The following MDM2 variants were observed in gnomAD, a reference collection of about 807,000 sequenced individuals.
MDM2 encodes the protein E3 ubiquitin-protein ligase Mdm2.
In MDM2, 11 loss-of-function variants were observed where a neutral mutation model predicts 64.3. That is an observed-to-expected ratio of 0.17 (90% CI 0.11 to 0.28). The LOEUF is 0.28. MDM2 is among the 10% of genes least tolerant of loss of function. The pLI, the probability that MDM2 is intolerant of heterozygous loss-of-function variation, is 1.00. For synonymous variants in MDM2, 194 were observed against 192.9 expected (o/e 1.01, Z -0.05); for missense variants, 388 against 577.1 (o/e 0.67, Z 3.36).
At position 68,817,005 on chromosome 12, in the gene MDM2, C is replaced by T. The variant is rs550803998; in HGVS notation, c.308+60C>T. 4 of 1,555,054 alleles carry T rather than the reference C, an allele frequency of 2.6e-6. No individual in the cohort carries two copies. In the South Asian group the frequency reaches 4.9e-5, roughly 19 times the overall value. ...TCTGGGCTAACATTTCAGTTCACCT[C>T]TACCCTCATTCACTTTTGTCAGAGA... On this transcript the variant is annotated intron_variant, in intron 4 of 10. Transcript: ENST00000258149.
In MDM2 at chr12:68,841,824, C is replaced by T. The variant is rs762294285; in HGVS notation, c.*1975C>T. ...TTATTCAGAAATTATGCATCATTTT[C>T]CTTCAAGAATGACAGGGTCAGCATG... On this transcript the variant is annotated 3_prime_UTR_variant, in exon 11 of 11. Coordinates refer to ENST00000258149, the MANE Select transcript of MDM2 (RefSeq NM_002392.6). The T allele has an allele frequency of 1.3e-3, 275 of 208,406 alleles. 1 individual carries two copies. In the Middle Eastern group the frequency reaches 0.019, roughly 14 times the overall value. 12.9% of individuals were successfully genotyped at this position (208,406 alleles called of 1,614,324 possible).
intron 1 of MDM2, chr12:68,808,953 G>A: frequency 7.2e-7 from 1 of 1,389,608 alleles, no homozygotes; most frequent in Non-Finnish European, 9.3e-7. Context: ...CGAAACTGCA[G>A]TAAAAGGAGT....
rs1324564069 is a variant in MDM2 at position 68,844,446 on chromosome 12, CA to C, written c.*4598del. The C allele has an allele frequency of 4.4e-6, 1 of 228,158 alleles. No individual in the cohort carries two copies. Among genetic ancestry groups the C allele is most frequent in the East Asian group, 6.3e-5 (1 of 15,982 alleles). 14.1% of individuals were successfully genotyped at this position (228,158 alleles called of 1,614,324 possible). On this transcript the variant is annotated 3_prime_UTR_variant, in exon 11 of 11. Coordinates refer to ENST00000258149, the MANE Select transcript of MDM2 (RefSeq NM_002392.6). ...GTGTTCTCCCTGTCTTCTCTTAGGT[CA>C]CATGGCAGCCTGGCCTAAGTGATCG...
At chr12:68,808,574 G>C in intron 1 of MDM2, 83 bp downstream of exon 1, 3 of 1,591,260 alleles carry the variant, frequency 1.9e-6, no homozygotes, top group Non-Finnish European at 1.7e-6. Flanking sequence ...GCCTCTGCCC[G>C]TTCGCAGCCT....
At chr12:68,837,921 C>T (rs968259811) in intron 10 of MDM2, among the ~76,000 whole-genome samples, 2 of 151,960 alleles carry the variant, frequency 1.3e-5, no homozygotes, top group Admixed American at 6.6e-5. Flanking sequence ...TCAAGAGTTT[C>T]CAAAATTTTT....
At chr12:68,822,863 C>A (rs1371253499) in intron 5 of MDM2, among the ~76,000 whole-genome samples, 1 of 151,914 alleles carries the variant, frequency 6.6e-6, no homozygotes, top group Non-Finnish European at 1.5e-5. Context: ...TCCTCAGCCT[C>A]CCGAGTAGGT....
At position 68,839,768 on chromosome 12, in the gene MDM2, A is replaced by G. The variant is rs949026075; in HGVS notation, c.1413A>G (p.Ala471=). Residue 471 remains alanine, a synonymous_variant, in exon 11 of 11, where the codon GCA becomes GCG. Coordinates refer to ENST00000258149, the MANE Select transcript of MDM2 (RefSeq NM_002392.6). The stretch of plus-strand genomic sequence containing the variant: ...ATCTTATGGCCTGCTTTACATGTGC[A>G]AAGAAGCTAAAGAAAAGGAATAAGC... The part of the protein sequence containing the change: ...TGHLMACFTC[A]KKLKKRNKPC... 1.2e-6 allele frequency: 2 copies of G among 1,614,040 alleles called. No individual in the cohort carries two copies. The highest frequency in any genetic ancestry group is 2.2e-5 in the East Asian group (1 of 44,880).
downstream of MDM2, chr12:68,850,035 A>C (rs1884593252): frequency 6.6e-6 from 1 of 152,434 alleles, no homozygotes; most frequent in Non-Finnish European, 1.5e-5. Flanking sequence ...CTGTAATCCC[A>C]GCACTTTGGG....
intron 7 of MDM2, 77 bp downstream of exon 7, chr12:68,824,728 CTT>C (rs761486425): frequency 1.6e-5 from 15 of 947,916 alleles, no homozygotes; most frequent in Non-Finnish European, 2.3e-5. Context: ...TGCTTTTAGA[CTT>C]AATTAAATTG....
rs775062825 is a variant in MDM2, at chr12:68,816,880, A to G, written c.243A>G (p.Val81=). The G allele has an allele frequency of 9.9e-6, 16 of 1,612,952 alleles. 1 individual carries two copies. Among genetic ancestry groups the G allele is most frequent in the South Asian group, 4.4e-5 (4 of 90,698 alleles). ...ATGATGAGAAGCAACAACATATTGT[A>G]TATTGTTCAAATGATCTTCTAGGAG... ...RLYDEKQQHI[V]YCSNDLLGDL... is the part of the protein sequence containing the mutation. The change falls in exon 4 of 11, where the codon GTA becomes GTG. Residue 81 remains valine (V), a synonymous_variant. Coordinates refer to ENST00000258149, the MANE Select transcript of MDM2 (RefSeq NM_002392.6).
chr12:68,808,419 C>G lies in MDM2; in HGVS notation c.-59C>G. On this transcript the variant is annotated 5_prime_UTR_variant, in exon 1 of 11. Coordinates refer to ENST00000258149, the MANE Select transcript of MDM2 (RefSeq NM_002392.6). ...CCCAGGGCGTCGTGCTTCCGCGCGC[C>G]CCGTGAAGGAAACTGGGGAGTCTTG... is the stretch of plus-strand genomic sequence containing the variant. 2 of 1,612,984 alleles carry G rather than the reference C, an allele frequency of 1.2e-6. No individual in the cohort carries two copies. Among genetic ancestry groups the G allele is most frequent in the Non-Finnish European group, 1.7e-6 (2 of 1,179,354 alleles).
At chr12:68,828,541 T>TCCAG (rs1376842128) in intron 7 of MDM2, 1 of 391,334 alleles carries the variant, frequency 2.6e-6, no homozygotes, top group African/African-American at 2.0e-5. Context: ...GCCTCTGTAC[T>TCCAG]CCAGCCTGGG....
At chr12:68,850,112 C>T (rs1358648505), downstream of MDM2, 1 of 152,078 alleles carries the variant, frequency 6.6e-6, no homozygotes, top group Non-Finnish European at 1.5e-5. Flanking sequence ...TGGTGCAACC[C>T]TGTCTTAACT....
rs377246600 is a variant in MDM2, at chr12:68,828,826, T to C, written c.579T>C (p.Asp193=). The C allele has an allele frequency of 8.7e-6, 14 of 1,613,938 alleles. No homozygotes were observed. Among genetic ancestry groups the C allele is most frequent in the Non-Finnish European group, 1.1e-5 (13 of 1,179,982 alleles). The change falls in exon 8 of 11, where the codon GAT becomes GAC. Residue 193 remains aspartate, a synonymous_variant. Coordinates refer to ENST00000258149, the MANE Select transcript of MDM2 (RefSeq NM_002392.6). Reference sequence around the variant, plus strand: ...GACAAAGAAAACGCCACAAATCTGATAGTATTTCCCTTTCCTTTGATGAAA... The same window carrying C: ...GACAAAGAAAACGCCACAAATCTGACAGTATTTCCCTTTCCTTTGATGAAA... The part of the protein sequence containing the change: ...GERQRKRHKS[D]SISLSFDESL...
intron 8 of MDM2, among the ~76,000 whole-genome samples, chr12:68,833,126 CAAAAAAAAAAA>C (rs35815088): frequency 3.7e-4 from 23 of 61,752 alleles, no homozygotes; most frequent in African/African-American, 1.2e-3. Flanking sequence ...ACTCTGTCTC[CAAAAAAAAAAA>C]AAAAAAAAAA....
At chr12:68,808,172 G>T (rs1244561129), upstream of MDM2, 1 of 508,826 alleles carries the variant, frequency 2.0e-6, no homozygotes, top group East Asian at 3.5e-5. Context: ...CCCTCGGGCG[G>T]TAGGGGGCGC....
intron 10 of MDM2, 110 bp from the exon 11 acceptor site, chr12:68,839,164 A>G (rs1883542530): frequency 1.1e-6 from 1 of 914,068 alleles, no homozygotes; most frequent in African/African-American, 1.7e-5. Flanking sequence ...AACACTGAAT[A>G]TTGAGCCCTA....
chr12:68,818,749 G>T (rs1455002666), intron 4 of MDM2, among the ~76,000 whole-genome samples: 1 of 151,190 alleles, frequency 6.6e-6, no homozygotes, highest in African/African-American at 2.4e-5. Flanking sequence ...ATTGAATATT[G>T]AATCTTCTAT....
chr12:68,829,837 T>C (rs1441649933), intron 8 of MDM2, among the ~76,000 whole-genome samples: 1 of 152,098 alleles, frequency 6.6e-6, no homozygotes, highest in Non-Finnish European at 1.5e-5. Flanking sequence ...TTCTCATTAC[T>C]AATACAGACT....
Sources: allele counts gnomAD v4.1 joint callset (sites outside exome capture counted in the v4.1 genomes callset), GRCh38; gene constraint gnomAD v4.1.1; transcripts MANE v1.5; gene names NCBI Gene and HGNC (gene_info 2026-07-23, HGNC 2026-07-21).